Variants in ZNF608 observed in about 807,000 individuals in gnomAD.
ZNF608 encodes zinc finger protein 608, also known as renal carcinoma antigen NY-REN-36.
In ZNF608, 12 loss-of-function variants were observed where a neutral mutation model predicts 109.0. That is an observed-to-expected ratio of 0.11 (90% CI 0.07 to 0.18). The LOEUF (loss-of-function observed/expected upper bound fraction) is 0.18. Among genes scored for constraint, ZNF608 ranks in the 10% least tolerant of loss-of-function variants. ZNF608 has a pLI of 1.00. For missense variants in ZNF608, 1,707 were observed against 1,879.3 expected (o/e 0.91, Z 1.70); for synonymous variants, 732 against 717.4 (o/e 1.02, Z -0.33).
chr5:124,701,314 A>T (rs759856213), intron 2 of ZNF608, 45 bp from the exon 3 acceptor site: 2 of 1,600,374 alleles, frequency 1.2e-6, no homozygotes, highest in Non-Finnish European at 1.7e-6. Context: ...CATTCCGTGA[A>T]TTCCTTTTAA....
chr5:124,678,533 C>T (rs1306773474), intron 3 of ZNF608, among the ~76,000 whole-genome samples: 1 of 152,212 alleles, frequency 6.6e-6, no homozygotes, highest in Non-Finnish European at 1.5e-5. Context: ...CTTGGAACTG[C>T]CATTCCCACC....
chr5:124,638,876 G>C, intron 9 of ZNF608: 2 of 1,029,986 alleles, frequency 1.9e-6, no homozygotes, highest in Non-Finnish European at 1.3e-6. Flanking sequence ...TAGAAATGCC[G>C]TAAGGATAAC....
chr5:124,744,717 A>G lies in ZNF608; in HGVS notation c.273T>C (p.Ser91=), dbSNP rs982610742. ...DGLKFASVQA[S]APQGNSHKET... ...CTTTGTGTGAATTCCCCTGGGGAGC[A>G]GAGGCCTGAACAGAAGCAAATTTTA... The change falls in exon 2 of 10, where the codon TCT becomes TCC. Residue 91 remains serine, a synonymous_variant. Coordinates refer to ENST00000513986, the MANE Select transcript of ZNF608 (RefSeq NM_020747.3). This position sits in a 1 kb window ranked among gnomAD's most constrained non-coding sequence, Gnocchi z 4.5. 4 of 1,614,192 alleles carry G rather than the reference A, an allele frequency of 2.5e-6. No homozygotes were observed. In the Admixed American group the frequency reaches 5.0e-5, roughly 20 times the overall value.
In ZNF608 at chr5:124,647,557, A is replaced by G. The variant is rs1236730851; in HGVS notation, c.2827T>C (p.Ser943Pro). The change falls in exon 5 of 10, where the codon TCT (serine) becomes CCT (proline). Residue 943 changes from serine to proline, a missense_variant. Ser to Pro is a moderately conservative substitution (Grantham distance 74). Coordinates refer to ENST00000513986, the MANE Select transcript of ZNF608 (RefSeq NM_020747.3). ...KTSSPAYSDI[S>P]DAADDGGSDS... ...GAACCACCATCGTCAGCAGCATCAGATATGTCTGAATAGGCCGGGCTGCTT... is the reference window on the plus strand; with the variant it reads ...GAACCACCATCGTCAGCAGCATCAGGTATGTCTGAATAGGCCGGGCTGCTT... The G allele has an allele frequency of 1.2e-6, 2 of 1,614,068 alleles. No homozygotes were observed. Among genetic ancestry groups the G allele is most frequent in the African/African-American group, 1.3e-5 (1 of 74,916 alleles).
chr5:124,680,351 A>G (rs952395545), intron 3 of ZNF608, among the ~76,000 whole-genome samples: 1 of 77,204 alleles, frequency 1.3e-5, no homozygotes, highest in African/African-American at 6.6e-5. Context: ...TATGGCCACA[A>G]AAAAAAAAAA....
chr5:124,739,043 A>G (rs1391897101), intron 2 of ZNF608, among the ~76,000 whole-genome samples: 1 of 152,204 alleles, frequency 6.6e-6, no homozygotes, highest in Non-Finnish European at 1.5e-5. Context: ...GAAGAGCAAG[A>G]ATGCATTATG....
intron 2 of ZNF608, among the ~76,000 whole-genome samples, chr5:124,724,060 A>G (rs1282272035): frequency 6.6e-6 from 1 of 152,204 alleles, no homozygotes; most frequent in Non-Finnish European, 1.5e-5. Flanking sequence ...CAGGCAATTC[A>G]TGTTCCACCA....
chr5:124,742,617 A>G (rs1472730667), intron 2 of ZNF608, among the ~76,000 whole-genome samples: 1 of 152,254 alleles, frequency 6.6e-6, no homozygotes, highest in Non-Finnish European at 1.5e-5. Context: ...AAATTCATTT[A>G]TATTCATTAA....
intron 2 of ZNF608, among the ~76,000 whole-genome samples, chr5:124,725,692 G>GA (rs531757542): frequency 3.7e-4 from 56 of 151,812 alleles, no homozygotes; most frequent in African/African-American, 1.2e-3. Context: ...TTTTTTCCTA[G>GA]AAAAAACTGT....
rs538480970 is a variant in ZNF608, at chr5:124,648,047, T to C, written c.2337A>G (p.Thr779=). 1 of 1,614,106 alleles carries C rather than the reference T, an allele frequency of 6.2e-7. No homozygotes were observed. The highest frequency in any genetic ancestry group is 1.7e-5 in the Admixed American group (1 of 60,014). ...TGGGTTTTAACGGAGGACTCTTTGG[T>C]GTAGCCTGAACAACAGTTGTTGTGA... ...PSLTTTVVQA[T]PKSPPLKPIQ... Residue 779 remains threonine (T), a synonymous_variant, in exon 5 of 10, where the codon ACA becomes ACG. Coordinates refer to ENST00000513986, the MANE Select transcript of ZNF608 (RefSeq NM_020747.3).
intron 3 of ZNF608, among the ~76,000 whole-genome samples, chr5:124,670,737 T>C (rs537261388): frequency 2.0e-5 from 3 of 152,310 alleles, no homozygotes; most frequent in Admixed American, 2.0e-4. Flanking sequence ...AAGCTTGCCT[T>C]TTCTATACCG....
Position 124,701,197 on chromosome 5 carries a change from A to T in ZNF608, c.979T>A (p.Ser327Thr). ...TTGGATGAAGATGGGGAAAAGTAGG[A>T]GGGTAGAATCTGAGGCGTGAGACTG... The part of the protein sequence containing the change: ...SSSLTPQILP[S>T]YFSPSSSNIA... Residue 327 changes from serine (S) to threonine (T), a missense_variant, in exon 3 of 10, where the codon TCC (serine) becomes ACC (threonine). By Grantham distance (58) the Ser-to-Thr change is moderately conservative (BLOSUM62 1). Around this residue, in one of 7 missense-constraint regions of ZNF608, gnomAD observed 407 missense variants for 398.7 expected, o/e 1.02. Coordinates refer to ENST00000513986, the MANE Select transcript of ZNF608 (RefSeq NM_020747.3). 1 of 1,614,110 alleles carries T rather than the reference A, an allele frequency of 6.2e-7. No individual in the cohort carries two copies. Among genetic ancestry groups the T allele is most frequent in the Non-Finnish European group, 8.5e-7 (1 of 1,180,014 alleles).
chr5:124,739,568 C>G (rs73782077), intron 2 of ZNF608, among the ~76,000 whole-genome samples: 1 of 152,274 alleles, frequency 6.6e-6, no homozygotes, highest in African/African-American at 2.4e-5. Context: ...TTGTGATTGC[C>G]TGCAGGAACT....
At chr5:124,687,674 T>G (rs1418024411) in intron 3 of ZNF608, among the ~76,000 whole-genome samples, 1 of 152,220 alleles carries the variant, frequency 6.6e-6, no homozygotes, top group Non-Finnish European at 1.5e-5. Flanking sequence ...ACTTTCTTTG[T>G]TGAGGACAGC....
In ZNF608 at chr5:124,647,528, G is replaced by C. The variant is rs142044030; in HGVS notation, c.2856C>G (p.Asp952Glu). 4 of 1,614,060 alleles carry C rather than the reference G, an allele frequency of 2.5e-6. No individual in the cohort carries two copies. The African/African-American group carries it at 4.0e-5, about 16-fold the overall frequency. ...TTGATCTCATACCCTCCGACCTGCTGTCAGAACCACCATCGTCAGCAGCAT... is the reference window on the plus strand; with the variant it reads ...TTGATCTCATACCCTCCGACCTGCTCTCAGAACCACCATCGTCAGCAGCAT... ...ISDAADDGGS[D>E]SRSEGMRSKA... is the part of the protein sequence containing the mutation. Residue 952 changes from aspartate (D) to glutamate (E), a missense_variant, in exon 5 of 10, where the codon GAC (aspartate) becomes GAG (glutamate). This residue lies in a region of ZNF608 where 1,073 missense variants were observed against 1,133.5 expected (regional missense o/e 0.95). Coordinates refer to ENST00000513986, the MANE Select transcript of ZNF608 (RefSeq NM_020747.3).
chr5:124,656,722 T>C (rs1751024202), intron 3 of ZNF608, among the ~76,000 whole-genome samples: 1 of 150,876 alleles, frequency 6.6e-6, no homozygotes, highest in South Asian at 2.1e-4. Context: ...TGGTCATTGG[T>C]ATACAATCTA....
At chr5:124,703,071 G>A (rs58742239) in intron 2 of ZNF608, among the ~76,000 whole-genome samples, 8,035 of 151,876 alleles carry the variant, frequency 0.053, 288 homozygotes, top group African/African-American at 0.089. Flanking sequence ...AAAGACCAAA[G>A]AAAATTATAA....
Position 124,648,788 on chromosome 5 carries a change from A to G in ZNF608, c.1596T>C (p.Thr532=). 6.2e-7 allele frequency: 1 copy of G among 1,614,212 alleles called. No homozygotes were observed. Among genetic ancestry groups the G allele is most frequent in the South Asian group, 1.1e-5 (1 of 91,086 alleles). ...RVRTNSRSTP[T]TPQGKPETTF... Reference sequence around the variant, plus strand: ...TAGTCTCTGGTTTCCCTTGAGGGGTAGTGGGAGTGCTTCTGGAATTTGTGC... The same window carrying G: ...TAGTCTCTGGTTTCCCTTGAGGGGTGGTGGGAGTGCTTCTGGAATTTGTGC... Residue 532 remains threonine (T), a synonymous_variant, in exon 5 of 10, where the codon ACT becomes ACC. Coordinates refer to ENST00000513986, the MANE Select transcript of ZNF608 (RefSeq NM_020747.3).
chr5:124,642,500 G>T (rs1750287899), intron 7 of ZNF608, among the ~76,000 whole-genome samples: 1 of 152,104 alleles, frequency 6.6e-6, no homozygotes, highest in Non-Finnish European at 1.5e-5. Flanking sequence ...ATGTGAATAT[G>T]AAGGGTCAAT....
Sources: gnomAD v4.1 joint callset for allele counts (sites outside exome capture counted in the v4.1 genomes callset) on GRCh38, gnomAD v4.1.1 for gene constraint, gnomAD v4.1.1 regional missense constraint, Gnocchi (gnomAD v3.1) non-coding constraint, MANE v1.5 for transcripts, NCBI Gene and HGNC (gene_info 2026-07-23, HGNC 2026-07-21) for gene names.